The following KLC1 variants were observed in gnomAD, a reference collection of about 807,000 sequenced individuals.
The protein encoded by KLC1 is kinesin light chain 1, also known as kinesin 2 60/70kDa.
In KLC1, 30 loss-of-function variants were observed where a neutral mutation model predicts 84.2. The ratio of observed to expected loss-of-function variants is 0.36; its 90% CI spans 0.27 to 0.48. KLC1 has a LOEUF of 0.48. Among genes scored for constraint, KLC1 ranks in the 20% least tolerant of loss-of-function variants. The probability of loss-of-function intolerance (pLI) is 0.99; values close to 1 mark genes in which losing one functional copy is unlikely to be tolerated. For missense variants in KLC1, 499 were observed against 805.4 expected, an observed-to-expected ratio of 0.62 and a Z score of 4.60; for synonymous variants, 289 against 293.3, an observed-to-expected ratio of 0.99 and a Z score of 0.15.
intron 3 of KLC1, among the ~76,000 whole-genome samples, chr14:103,661,532 A>T (rs566120843): frequency 5.3e-5 from 8 of 152,312 alleles, no homozygotes; most frequent in African/African-American, 1.9e-4. Flanking sequence ...CATCTGCCTC[A>T]TGACAAAGCT....
At chr14:103,691,151 CCCA>C (rs2082084140) in intron 14 of KLC1, among the ~76,000 whole-genome samples, 1 of 125,144 alleles carries the variant, frequency 8.0e-6, no homozygotes, top group African/African-American at 2.8e-5. Flanking sequence ...GATGGTTCCC[CCCA>C]CTTTTTTTTT....
intron 2 of KLC1, among the ~76,000 whole-genome samples, chr14:103,657,212 A>T (rs1192974238): frequency 1.3e-5 from 2 of 152,182 alleles, no homozygotes; most frequent in Non-Finnish European, 2.9e-5. Context: ...TCTATAAAAA[A>T]TTATGTTGGG....
chr14:103,689,477 C>G lies in KLC1; in HGVS notation c.1781+2266C>G, dbSNP rs548223626. 5.3e-5 allele frequency among the ~76,000 whole-genome samples: 8 copies of G among 152,272 alleles called. No individual in the cohort carries two copies. The South Asian group carries it at 1.7e-3, about 32-fold the overall frequency. On this transcript the variant is annotated intron_variant, in intron 14 of 16. Transcript: ENST00000334553. ...CTACATGACTTTGGAAATTGCATCC[C>G]GTAAAATGCATACAACTGAATAATC...
chr14:103,700,317 C>T (rs2083059005), intron 15 of KLC1: 1 of 276,998 alleles, frequency 3.6e-6, no homozygotes, highest in African/African-American at 2.2e-5. Context: ...GGAGGACCCC[C>T]CCAGTGAAGG....
chr14:103,663,689 G>T (rs2079497139), intron 5 of KLC1, among the ~76,000 whole-genome samples: 1 of 152,162 alleles, frequency 6.6e-6, no homozygotes, highest in Non-Finnish European at 1.5e-5. Context: ...GTTGAAGGAC[G>T]CCCCGGGGGA....
chr14:103,662,009 A>C, intron 3 of KLC1, 107 bp from the exon 4 acceptor site: 1 of 771,184 alleles, frequency 1.3e-6, no homozygotes, highest in East Asian at 2.6e-5. Flanking sequence ...AAAACTGATC[A>C]TCTTTTCTAA....
At chr14:103,669,800 A>G (rs1362316073) in intron 6 of KLC1, among the ~76,000 whole-genome samples, 1 of 152,188 alleles carries the variant, frequency 6.6e-6, no homozygotes, top group Non-Finnish European at 1.5e-5. Flanking sequence ...CCCACCTCAA[A>G]TGGATCACCA....
At chr14:103,654,983 T>G (rs142781117) in intron 2 of KLC1, 158 bp downstream of exon 2, 6 of 794,024 alleles carry the variant, frequency 7.6e-6, no homozygotes, top group Non-Finnish European at 1.1e-5. Context: ...TCCAAGCACT[T>G]TGGGAGGCTG....
At position 103,640,160 on chromosome 14, in the gene KLC1, A is replaced by G. The variant is rs189425195; in HGVS notation, c.-2+10666A>G. Among the ~76,000 whole-genome samples the G allele has an allele frequency of 5.4e-4, 82 of 152,232 alleles. No homozygotes were observed. The East Asian group carries it at 0.014, about 25-fold the overall frequency. On this transcript the variant is annotated intron_variant, in intron 1 of 16. Coordinates refer to ENST00000334553, the MANE Select transcript of KLC1 (RefSeq NM_001394837.1). ...ACTGCAAACTCCACTTTCCAGGTTCATGCGATTCTACTGCCTCACCCTCCC... is the reference window on the plus strand; with the variant it reads ...ACTGCAAACTCCACTTTCCAGGTTCGTGCGATTCTACTGCCTCACCCTCCC...
intron 1 of KLC1, among the ~76,000 whole-genome samples, chr14:103,637,577 TTTG>T (rs1243997389): frequency 6.6e-6 from 1 of 152,156 alleles, no homozygotes; most frequent in African/African-American, 2.4e-5. Context: ...TCTTTTATTT[TTTG>T]TTGTTGCCTA....
intron 1 of KLC1, among the ~76,000 whole-genome samples, chr14:103,639,694 C>T (rs2077342859): frequency 6.6e-6 from 1 of 152,132 alleles, no homozygotes; most frequent in African/African-American, 2.4e-5. Context: ...CCTGTCTTGG[C>T]CTCCCAAAGT....
chr14:103,668,647 T>G (rs1462930479), intron 5 of KLC1, among the ~76,000 whole-genome samples: 4 of 151,838 alleles, frequency 2.6e-5, no homozygotes, highest in Non-Finnish European at 5.9e-5. Flanking sequence ...CCGGCTATTT[T>G]TTTTTGTATT....
At chr14:103,675,449 G>C (rs926408967) in intron 9 of KLC1, 103 bp from the exon 10 acceptor site, 1 of 911,398 alleles carries the variant, frequency 1.1e-6, no homozygotes, top group East Asian at 2.6e-5. Flanking sequence ...GAAACTTTTC[G>C]AGTGCCGACT....
Position 103,676,793 on chromosome 14 carries a change from A to AT in KLC1, c.1380-615dup, listed in dbSNP as rs533369740. On this transcript the variant is annotated intron_variant, in intron 11 of 16. Coordinates refer to ENST00000334553, the MANE Select transcript of KLC1 (RefSeq NM_001394837.1). ...TAAAATGAATCTAGGTTTATTTATA[A>AT]TTTTTTTAGTAAGTCTGCTCTATCA... Among the ~76,000 whole-genome samples, 147 of 152,300 alleles carry AT rather than the reference A, an allele frequency of 9.7e-4. 3 individuals carry two copies. In the East Asian group the frequency reaches 0.021, roughly 22 times the overall value.
chr14:103,657,773 A>T lies in KLC1; in HGVS notation c.489A>T (p.Pro163=). ...QLKKYDDDIS[P]SEDKDTDSTK... ...AAAAATATGATGACGACATTTCCCCATCCGTGAGTGGCTCTGTAGCAAATG... is the reference window on the plus strand; with the variant it reads ...AAAAATATGATGACGACATTTCCCCTTCCGTGAGTGGCTCTGTAGCAAATG... Residue 163 remains proline (P), a synonymous_variant, in exon 3 of 17, where the codon CCA becomes CCT. Transcript: ENST00000334553. 3 of 1,608,618 alleles carry T rather than the reference A, an allele frequency of 1.9e-6. No homozygotes were observed. Among genetic ancestry groups the T allele is most frequent in the Non-Finnish European group, 2.6e-6 (3 of 1,175,280 alleles).
intron 5 of KLC1, among the ~76,000 whole-genome samples, chr14:103,666,229 A>G (rs1435182747): frequency 6.6e-6 from 1 of 151,842 alleles, no homozygotes; most frequent in East Asian, 1.9e-4. Context: ...GCGCCCGGCT[A>G]ATTTTTTGTA....
intron 1 of KLC1, among the ~76,000 whole-genome samples, chr14:103,636,795 T>C (rs969341446): frequency 1.4e-4 from 22 of 152,106 alleles, no homozygotes; most frequent in Admixed American, 3.3e-4. Flanking sequence ...CGATCTCGGC[T>C]CACTGCAAGC....
At chr14:103,655,841 C>T (rs748471658) in intron 2 of KLC1, among the ~76,000 whole-genome samples, 3 of 152,090 alleles carry the variant, frequency 2.0e-5, no homozygotes, top group African/African-American at 4.8e-5. Flanking sequence ...GACCTCAGGG[C>T]CTCTCTGAAT....
At chr14:103,636,343 T>C (rs1179114242) in intron 1 of KLC1, among the ~76,000 whole-genome samples, 1 of 152,080 alleles carries the variant, frequency 6.6e-6, no homozygotes, top group African/African-American at 2.4e-5. Flanking sequence ...TGCTTTAATT[T>C]CCTGAGTATC....
Sources: gnomAD v4.1 joint callset for allele counts (sites outside exome capture counted in the v4.1 genomes callset) on GRCh38, gnomAD v4.1.1 for gene constraint, MANE v1.5 for transcripts, NCBI Gene and HGNC (gene_info 2026-07-23, HGNC 2026-07-21) for gene names.